Variants in STYXL1 observed in about 807,000 individuals in gnomAD.
STYXL1 encodes serine/threonine/tyrosine interacting like 1, also known as serine/threonine/tyrosine-interacting-like protein 1.
A neutral mutation model predicts 36.4 loss-of-function variants in STYXL1; 32 were observed. That is an observed-to-expected ratio of 0.88 (90% CI 0.66 to 1.18). The LOEUF (loss-of-function observed/expected upper bound fraction) is 1.18, where lower values mean the gene tolerates loss of function less well. Ranked by LOEUF, STYXL1 falls within the 50% of genes most tolerant of loss-of-function variation. The pLI is 0.00. For synonymous variants in STYXL1, 133 were observed against 144.1 expected, an observed-to-expected ratio of 0.92 and a Z score of 0.55; for missense variants, 354 against 394.1, an observed-to-expected ratio of 0.90 and a Z score of 0.86.
In STYXL1 at chr7:76,047,802, G is replaced by T. The variant is rs1450329227; in HGVS notation, c.-145C>A. 1 of 787,344 alleles carries T rather than the reference G, an allele frequency of 1.3e-6. No individual in the cohort carries two copies. Among genetic ancestry groups the T allele is most frequent in the East Asian group, 6.8e-5 (1 of 14,646 alleles). 48.8% of individuals were successfully genotyped at this position (787,344 alleles called of 1,614,324 possible). A position where few individuals can be genotyped will look rare whatever the true frequency, so the allele number is the denominator to read the frequency against. On this transcript the variant is annotated 5_prime_UTR_variant, in exon 1 of 9. Transcript: ENST00000359697. ...AGGCTCCCTGTCGGAGCCTCTGCCT[G>T]GGGCCCCACCTGGAAAAATGGCTCC...
At position 76,047,890 on chromosome 7, in the gene STYXL1, C is replaced by A. The variant is rs902345049; in HGVS notation, c.-233G>T. On this transcript the variant is annotated 5_prime_UTR_variant, in exon 1 of 9. Coordinates refer to ENST00000359697, the MANE Select transcript of STYXL1 (RefSeq NM_001317785.2). ...CCTCTTGGGTGCAGACTGGCCCTCC[C>A]ACTCCGACCGCAGGTCCCCCACCGG... The A allele has an allele frequency of 7.1e-6, 10 of 1,403,008 alleles. No homozygotes were observed. The highest frequency in any genetic ancestry group is 9.3e-6 in the Non-Finnish European group (10 of 1,077,008). 86.9% of individuals were successfully genotyped at this position (1,403,008 alleles called of 1,614,324 possible). A position where few individuals can be genotyped will look rare whatever the true frequency, so the allele number is the denominator to read the frequency against.
At chr7:76,037,085 G>C (rs1390886556) in intron 1 of STYXL1, among the ~76,000 whole-genome samples, 1 of 149,884 alleles carries the variant, frequency 6.7e-6, no homozygotes, top group Non-Finnish European at 1.5e-5. Context: ...CACCCGGCCA[G>C]CTCTTCTTAA....
At chr7:76,010,684 A>ACTCTGGGCCCTACTGCCCAG (rs2115702631) in intron 5 of STYXL1, among the ~76,000 whole-genome samples, 1 of 152,252 alleles carries the variant, frequency 6.6e-6, no homozygotes, top group South Asian at 2.1e-4. Flanking sequence ...GCACACAGAC[A>ACTCTGGGCCCTACTGCCCAG]GGTCCACTCT....
intron 7 of STYXL1, 101 bp downstream of exon 7, chr7:76,003,657 G>A: frequency 9.2e-7 from 1 of 1,085,638 alleles, no homozygotes; most frequent in Non-Finnish European, 1.4e-6. Context: ...TCTAGAGCAT[G>A]GGGAAATCAC....
chr7:76,016,626 G>A (rs1275831531), intron 4 of STYXL1, among the ~76,000 whole-genome samples: 4 of 151,982 alleles, frequency 2.6e-5, no homozygotes, highest in Non-Finnish European at 5.9e-5. Flanking sequence ...GCCAACGAAC[G>A]TGAAAAAATG....
intron 4 of STYXL1, among the ~76,000 whole-genome samples, chr7:76,014,343 T>C (rs1395777379): frequency 6.6e-6 from 1 of 151,046 alleles, no homozygotes; most frequent in Non-Finnish European, 1.5e-5. Flanking sequence ...TAAAAGTAGC[T>C]TACCACCGGG....
intron 3 of STYXL1, among the ~76,000 whole-genome samples, chr7:76,023,463 A>C (rs1283299060): frequency 6.6e-6 from 1 of 152,122 alleles, no homozygotes; most frequent in African/African-American, 2.4e-5. Flanking sequence ...TCCTGGGCTC[A>C]AATGATCTTC....
chr7:76,032,539 T>C (rs1435477779), intron 1 of STYXL1, among the ~76,000 whole-genome samples: 2 of 150,990 alleles, frequency 1.3e-5, no homozygotes, highest in African/African-American at 4.9e-5. Flanking sequence ...CCGTCTCTAC[T>C]AAAAATACAA....
chr7:75,999,346 G>A (rs182273590), intron 8 of STYXL1, among the ~76,000 whole-genome samples: 299 of 152,262 alleles, frequency 2.0e-3, no homozygotes, highest in Middle Eastern at 6.8e-3. Context: ...TGGTTCCCAC[G>A]GGGCGATGAA....
At chr7:76,006,327 C>T (rs962333702) in intron 5 of STYXL1, among the ~76,000 whole-genome samples, 2 of 152,152 alleles carry the variant, frequency 1.3e-5, no homozygotes. Flanking sequence ...ATCCTCCTGC[C>T]TCAGCCTCCC....
At position 76,006,802 on chromosome 7, in the gene STYXL1, AC is replaced by A. The variant is rs1585199889; in HGVS notation, c.454-1399del. On this transcript the variant is annotated intron_variant, in intron 5 of 8. Coordinates refer to ENST00000359697, the MANE Select transcript of STYXL1 (RefSeq NM_001317785.2). ...AAAAAACAAAACAACAACAACAACAACAAAAAACTTTCGTTTATTTGAAACA... is the reference window on the plus strand; with the variant it reads ...AAAAAACAAAACAACAACAACAACAAAAAAAACTTTCGTTTATTTGAAACA... Among the ~76,000 whole-genome samples, 2 of 151,712 alleles carry A rather than the reference AC, an allele frequency of 1.3e-5. 1 individual carries two copies.
chr7:76,016,836 A>G (rs1425847392), intron 4 of STYXL1, among the ~76,000 whole-genome samples: 1 of 152,172 alleles, frequency 6.6e-6, no homozygotes, highest in Non-Finnish European at 1.5e-5. Context: ...AGATTTGTCA[A>G]GGAACCAAAA....
At chr7:76,030,886 A>G (rs1795256778) in intron 1 of STYXL1, among the ~76,000 whole-genome samples, 1 of 146,006 alleles carries the variant, frequency 6.8e-6, no homozygotes, top group Non-Finnish European at 1.5e-5. Flanking sequence ...ATTGGCCAAG[A>G]GTGGTGGCTC....
chr7:76,028,519 G>A (rs1381341868), intron 3 of STYXL1, 123 bp downstream of exon 3: 5 of 848,864 alleles, frequency 5.9e-6, no homozygotes, highest in East Asian at 2.7e-5. Flanking sequence ...AGACCACCAC[G>A]GTGGGCACAT....
At chr7:76,032,399 G>GAAAA (rs34141153) in intron 1 of STYXL1, among the ~76,000 whole-genome samples, 5 of 132,384 alleles carry the variant, frequency 3.8e-5, no homozygotes, top group South Asian at 5.1e-4. Context: ...ACCCTGTCTT[G>GAAAA]AAAAAAAAAA....
At chr7:76,038,558 T>A (rs1031433457) in intron 1 of STYXL1, among the ~76,000 whole-genome samples, 9 of 151,826 alleles carry the variant, frequency 5.9e-5, no homozygotes, top group African/African-American at 1.9e-4. Flanking sequence ...CCTGAGTAGC[T>A]GGGACTACAG....
At chr7:76,022,894 T>A (rs1244669632) in intron 3 of STYXL1, among the ~76,000 whole-genome samples, 1 of 151,938 alleles carries the variant, frequency 6.6e-6, no homozygotes, top group African/African-American at 2.4e-5. Context: ...ACCACTGCAC[T>A]CCAGCCTGGG....
intron 3 of STYXL1, among the ~76,000 whole-genome samples, chr7:76,026,847 G>A (rs1554577872): frequency 2.0e-5 from 3 of 152,144 alleles, no homozygotes. Flanking sequence ...AGGAGTTCCA[G>A]ACCAGCCTGG....
intron 5 of STYXL1, among the ~76,000 whole-genome samples, chr7:76,013,208 C>T (rs1554572705): frequency 6.6e-6 from 1 of 151,828 alleles, no homozygotes; most frequent in African/African-American, 2.4e-5. Context: ...CGCCTGTAGT[C>T]CCACCTACTT....
Sources: gnomAD v4.1 joint callset for allele counts (sites outside exome capture counted in the v4.1 genomes callset) on GRCh38, gnomAD v4.1.1 for gene constraint, MANE v1.5 for transcripts, NCBI Gene and HGNC (gene_info 2026-07-23, HGNC 2026-07-21) for gene names.